Variants in NOS3 observed in about 807,000 individuals in gnomAD.
The protein encoded by NOS3 is nitric oxide synthase 3, also known as NOS type III.
In NOS3, 98 loss-of-function variants were observed where a neutral mutation model predicts 144.9. The observed-to-expected ratio is 0.68, with a 90% CI of 0.57 to 0.80. The LOEUF is 0.80. NOS3 is among the 30% of genes least tolerant of loss of function. The probability of loss-of-function intolerance (pLI) is 0.00; values close to 1 mark genes in which losing one functional copy is unlikely to be tolerated. For synonymous variants in NOS3, 714 were observed against 702.4 expected (o/e 1.02, Z -0.26); for missense variants, 1,465 against 1,656.4 (o/e 0.88, Z 2.01).
Position 150,998,560 on chromosome 7 carries a change from G to T in NOS3, c.696G>T (p.Pro232=), listed in dbSNP as rs759150325. The change falls in exon 7 of 27, where the codon CCG becomes CCT. Residue 232 remains proline (P), a synonymous_variant. Coordinates refer to ENST00000297494, the MANE Select transcript of NOS3 (RefSeq NM_000603.5). The surrounding 1 kb of genome is among the most constrained non-coding windows in gnomAD (Gnocchi z 5.0). ...CCAGCTCGGCCATCACAGTGTTCCC[G>T]CAGCGCTGCCCTGGCCGAGGAGACT... ...GNLRSAITVF[P]QRCPGRGDFR... 1.2e-6 allele frequency: 2 copies of T among 1,609,584 alleles called. No individual in the cohort carries two copies. Among genetic ancestry groups the T allele is most frequent in the Non-Finnish European group, 1.7e-6 (2 of 1,178,856 alleles).
At chr7:150,995,152 G>A (rs775883866) in intron 2 of NOS3, 51 bp from the exon 3 acceptor site, 6 of 1,088,098 alleles carry the variant, frequency 5.5e-6, no homozygotes, top group Non-Finnish European at 8.3e-6. Context: ...ATCTGGGAAG[G>A]CTGAAAGGAA....
chr7:151,010,399 C>A, intron 21 of NOS3, 112 bp downstream of exon 21: 2 of 1,151,254 alleles, frequency 1.7e-6, no homozygotes, highest in Non-Finnish European at 1.2e-6. Flanking sequence ...CTTCTCCTGG[C>A]CGACATGCAC....
intron 14 of NOS3, among the ~76,000 whole-genome samples, chr7:151,004,113 G>A (rs1795170318): frequency 6.6e-6 from 1 of 152,316 alleles, no homozygotes; most frequent in South Asian, 2.1e-4. Flanking sequence ...CAGGTGGGTG[G>A]ATCACTTGAG....
At position 150,993,070 on chromosome 7, in the gene NOS3, G is replaced by A. The variant is rs898455162; in HGVS notation, c.-51-683G>A. 1.3e-5 allele frequency among the ~76,000 whole-genome samples: 2 copies of A among 152,186 alleles called. No homozygotes were observed. The highest frequency in any genetic ancestry group is 2.9e-5 in the Non-Finnish European group (2 of 68,046). Reference sequence around the variant, plus strand: ...GTGCGTCACTGAATGACAGGGTGGGGGTGGAGGCACTGGAAGGCAGCTTCC... The same window carrying A: ...GTGCGTCACTGAATGACAGGGTGGGAGTGGAGGCACTGGAAGGCAGCTTCC... On this transcript the variant is annotated intron_variant, in intron 1 of 26. Transcript: ENST00000297494. This position sits in a 1 kb window ranked among gnomAD's most constrained non-coding sequence, Gnocchi z 4.0.
chr7:150,997,242 A>G lies in NOS3; in HGVS notation c.582+317A>G, dbSNP rs3918167. ...GGGTGAGGAAGTCTAGACCTGCTGC[A>G]GGGGTGAGGAAGTCTAGACCTGCTG... On this transcript the variant is annotated intron_variant, in intron 5 of 26. Transcript: ENST00000297494. 4.1e-4 allele frequency among the ~76,000 whole-genome samples: 42 copies of G among 101,920 alleles called. 1 individual carries two copies. The highest frequency in any genetic ancestry group is 1.5e-3 in the African/African-American group (32 of 20,658). The allele number at this position is 101,920 out of a possible 152,430, so 66.9% of individuals were successfully genotyped here.
chr7:150,993,720 CCCCCTCCTCTCGGT>C lies in NOS3; in HGVS notation c.-51-25_-51-12del. On this transcript the variant is annotated intron_variant, in intron 1 of 26. Coordinates refer to ENST00000297494, the MANE Select transcript of NOS3 (RefSeq NM_000603.5). This position sits in a 1 kb window ranked among gnomAD's most constrained non-coding sequence, Gnocchi z 4.0. Reference sequence around the variant, plus strand: ...AGCACTGGAGAGCCCCCTCCCACTGCCCCCTCCTCTCGGTCCCCTCCCTCTTCCTAAGGAAAAGG... The same window carrying C: ...AGCACTGGAGAGCCCCCTCCCACTGCCCCCTCCCTCTTCCTAAGGAAAAGG... 2 of 1,404,560 alleles carry C rather than the reference CCCCCTCCTCTCGGT, an allele frequency of 1.4e-6. No individual in the cohort carries two copies. Among genetic ancestry groups the C allele is most frequent in the East Asian group, 4.8e-5 (2 of 42,076 alleles). 87.0% of individuals were successfully genotyped at this position (1,404,560 alleles called of 1,614,324 possible).
chr7:150,995,332 T>G lies in NOS3; in HGVS notation c.270+18T>G. On this transcript the variant is annotated intron_variant, in intron 3 of 26. Coordinates refer to ENST00000297494, the MANE Select transcript of NOS3 (RefSeq NM_000603.5). ...CGCAGCAGGTAAGGCCGGCATGCCCTGTCCCCATCGTCTCCAGGGAAAGGG... is the reference window on the plus strand; with the variant it reads ...CGCAGCAGGTAAGGCCGGCATGCCCGGTCCCCATCGTCTCCAGGGAAAGGG... The G allele has an allele frequency of 6.5e-7, 1 of 1,546,570 alleles. No homozygotes were observed. Among genetic ancestry groups the G allele is most frequent in the Non-Finnish European group, 8.9e-7 (1 of 1,122,246 alleles).
chr7:150,995,077 G>A (rs989523723), intron 2 of NOS3, 126 bp from the exon 3 acceptor site: 6 of 583,552 alleles, frequency 1.0e-5, no homozygotes, highest in East Asian at 2.9e-5. Flanking sequence ...CATGGGGAAC[G>A]CCAGAAGGCA....
rs1795214126 is a variant in NOS3, at chr7:151,006,887, A to G, written c.1821-2A>G. Reference sequence around the variant, plus strand: ...AACCTTGTCTTTGTCCTCTCTTGCCAGGAGTTATAAGATCCGCTTCAACAG... The same window carrying G: ...AACCTTGTCTTTGTCCTCTCTTGCCGGGAGTTATAAGATCCGCTTCAACAG... On this transcript the variant is annotated splice_acceptor_variant, in intron 15 of 26. Coordinates refer to ENST00000297494, the MANE Select transcript of NOS3 (RefSeq NM_000603.5). LOFTEE classifies it high-confidence loss of function. The G allele has an allele frequency of 6.2e-7, 1 of 1,611,708 alleles. No individual in the cohort carries two copies. Among genetic ancestry groups the G allele is most frequent in the East Asian group, 2.2e-5 (1 of 44,860 alleles).
chr7:151,011,627 AAT>A (rs1433213018), intron 23 of NOS3, among the ~76,000 whole-genome samples: 19 of 149,976 alleles, frequency 1.3e-4, no homozygotes, highest in East Asian at 1.2e-3. Flanking sequence ...AAAAAAAAAA[AAT>A]ATTCTCCTGT....
chr7:151,006,524 G>T, intron 15 of NOS3, 30 bp downstream of exon 15: 1 of 1,581,120 alleles, frequency 6.3e-7, no homozygotes, highest in Non-Finnish European at 8.7e-7. Flanking sequence ...GGGGGAGCTG[G>T]GGGAGCTGAT....
In NOS3 at chr7:150,998,669, G is replaced by C. The variant is rs1263053337; in HGVS notation, c.805G>C (p.Glu269Gln). ...GSVRGDPANVEITELCIQHGW... is the reference protein window; with the variant it reads ...GSVRGDPANVQITELCIQHGW... ...TGTGCGGGGGGACCCAGCCAACGTG[G>C]AGATCACCGAGGTGGGCACCGAGGG... The change falls in exon 7 of 27, where the codon GAG becomes CAG. Residue 269 changes from glutamate (E) to glutamine (Q), a missense_variant. Glu to Gln is a conservative substitution (Grantham distance 29). This residue lies in a region of NOS3 where 374 missense variants were observed against 377.0 expected (regional missense o/e 0.99). Coordinates refer to ENST00000297494, the MANE Select transcript of NOS3 (RefSeq NM_000603.5). This position sits in a 1 kb window ranked among gnomAD's most constrained non-coding sequence, Gnocchi z 5.0. 1.2e-6 allele frequency: 2 copies of C among 1,606,964 alleles called. No homozygotes were observed. The highest frequency in any genetic ancestry group is 2.7e-5 in the African/African-American group (2 of 75,000).
intron 14 of NOS3, among the ~76,000 whole-genome samples, chr7:151,005,788 A>G (rs1010235252): frequency 3.3e-5 from 5 of 152,236 alleles, no homozygotes; most frequent in African/African-American, 9.6e-5. Context: ...CATGTTTTGG[A>G]AAGTCCAGGC....
Position 151,006,410 on chromosome 7 carries a change from A to G in NOS3, c.1753-17A>G. On this transcript the variant is annotated splice_polypyrimidine_tract_variant and intron_variant, in intron 14 of 26. Transcript: ENST00000297494. ...ATGAAACAAAACTAACCCTGATGCA[A>G]ACACTCCCCTCGCCAGAGCTTTGCA... 6.2e-7 allele frequency: 1 copy of G among 1,611,078 alleles called. No homozygotes were observed. The highest frequency in any genetic ancestry group is 1.3e-5 in the African/African-American group (1 of 74,930).
chr7:151,001,998 A>G, intron 13 of NOS3, 33 bp downstream of exon 13: 1 of 1,610,858 alleles, frequency 6.2e-7, no homozygotes, highest in Non-Finnish European at 8.5e-7. Flanking sequence ...AGGGAGCTAG[A>G]AAGAGGGGGC....
chr7:151,008,944 C>G lies in NOS3; in HGVS notation c.2127C>G (p.Thr709=), dbSNP rs146610736. The change falls in exon 18 of 27, where the codon ACC becomes ACG. Residue 709 remains threonine, a synonymous_variant. Transcript: ENST00000297494. ...CTGTCCCGCAGGCCGCCTGTGAGAC[C>G]TTCTGTGTGGGAGAGGATGCCAAGG... ...AQAAFQAACE[T]FCVGEDAKAA... 3 of 1,609,938 alleles carry G rather than the reference C, an allele frequency of 1.9e-6. No homozygotes were observed. Among genetic ancestry groups the G allele is most frequent in the Non-Finnish European group, 2.5e-6 (3 of 1,178,834 alleles).
intron 2 of NOS3, among the ~76,000 whole-genome samples, chr7:150,994,742 G>A (rs1802330715): frequency 6.6e-6 from 1 of 152,200 alleles, no homozygotes. Flanking sequence ...GTGGCTCTGG[G>A]AGGAAGTGAT....
Position 151,003,538 on chromosome 7 carries a change from T to A in NOS3, c.1752+1234T>A. ...AAGAAAAATAGCACCAGCAATTGAC[T>A]TTTTTTTAGCATAAAGGTGTATAGA... On this transcript the variant is annotated intron_variant, in intron 14 of 26. Coordinates refer to ENST00000297494, the MANE Select transcript of NOS3 (RefSeq NM_000603.5). This position sits in a 1 kb window ranked among gnomAD's most constrained non-coding sequence, Gnocchi z 4.1. 4.0e-6 allele frequency: 5 copies of A among 1,252,380 alleles called. No individual in the cohort carries two copies. The highest frequency in any genetic ancestry group is 5.2e-6 in the Non-Finnish European group (5 of 959,216). The allele number at this position is 1,252,380 out of a possible 1,614,324, so 77.6% of individuals were successfully genotyped here.
rs754267661 is a variant in NOS3 at position 150,995,271 on chromosome 7, T to C, written c.227T>C (p.Val76Ala). The C allele has an allele frequency of 1.7e-5, 28 of 1,610,884 alleles. No homozygotes were observed. The highest frequency in any genetic ancestry group is 5.0e-5 in the Admixed American group (3 of 59,908). The change falls in exon 3 of 27, where the codon GTG (valine) becomes GCG (alanine). Residue 76 changes from valine (V) to alanine (A), a missense_variant. Val to Ala is a moderately conservative substitution (Grantham distance 64). Around this residue, in one of 5 missense-constraint regions of NOS3, gnomAD observed 374 missense variants for 377.0 expected, o/e 0.99. Transcript: ENST00000297494. The stretch of plus-strand genomic sequence containing the variant: ...TTCCCTCGTGTGAAGAACTGGGAGG[T>C]GGGGAGCATCACCTATGACACCCTC... ...PKFPRVKNWE[V>A]GSITYDTLSA...
Sources: gnomAD v4.1 joint callset for allele counts (sites outside exome capture counted in the v4.1 genomes callset) on GRCh38, gnomAD v4.1.1 for gene constraint, gnomAD v4.1.1 regional missense constraint, Gnocchi (gnomAD v3.1) non-coding constraint, MANE v1.5 for transcripts, NCBI Gene and HGNC (gene_info 2026-07-23, HGNC 2026-07-21) for gene names.